CMKLR2: variants seen among roughly 807,000 people sequenced by gnomAD.
CMKLR2 encodes chemerin-like receptor 2.
Under a neutral mutation model 23.0 loss-of-function variants are expected in CMKLR2, and 18 were observed. The ratio of observed to expected loss-of-function variants is 0.78; its 90% CI spans 0.54 to 1.16. The LOEUF (loss-of-function observed/expected upper bound fraction) is 1.16, where lower values mean the gene tolerates loss of function less well. Among genes scored for constraint, CMKLR2 ranks in the 50% most tolerant of loss-of-function variants. The pLI is 0.00. For missense variants in CMKLR2, 401 were observed against 412.7 expected (o/e 0.97, Z 0.25); for synonymous variants, 158 against 158.9 (o/e 0.99, Z 0.05).
intron 1 of CMKLR2, among the ~76,000 whole-genome samples, chr2:206,182,006 A>G (rs1688431301): frequency 6.6e-6 from 1 of 151,636 alleles, no homozygotes; most frequent in Non-Finnish European, 1.5e-5. Flanking sequence ...TGTATTTACT[A>G]GCCATTAAGT....
rs779841717 is a variant in CMKLR2 at position 206,176,240 on chromosome 2, C to T, written c.1008G>A (p.Val336=). ...TLWEVSCSGT[V]SEQLRNSETK... ...TTTCTGAGTTCCTGAGCTGTTCACT[C>T]ACTGTGCCAGAACAGCTGACTTCCC... Residue 336 remains valine (V), a synonymous_variant, in exon 2 of 2, where the codon GTG becomes GTA. Coordinates refer to ENST00000621141, the MANE Select transcript of CMKLR2 (RefSeq NM_001389445.1). The T allele has an allele frequency of 8.7e-6, 14 of 1,614,072 alleles. No homozygotes were observed. Among genetic ancestry groups the T allele is most frequent in the African/African-American group, 2.7e-5 (2 of 74,928 alleles).
chr2:206,207,776 G>A (rs1402888692), intron 1 of CMKLR2, among the ~76,000 whole-genome samples: 6 of 101,192 alleles, frequency 5.9e-5, no homozygotes, highest in African/African-American at 8.5e-5. Flanking sequence ...GAGTTTTGCC[G>A]TTGTTGCCTG....
rs1688214754 is a variant in CMKLR2, at chr2:206,176,435, G to A, written c.813C>T (p.Thr271=). The A allele has an allele frequency of 1.2e-6, 2 of 1,614,140 alleles. No individual in the cohort carries two copies. The highest frequency in any genetic ancestry group is 1.7e-6 in the Non-Finnish European group (2 of 1,180,016). The stretch of plus-strand genomic sequence containing the variant: ...GGTGGGAATAGCTATTGTGGTGAAT[G>A]GTGAGCTCCCAAATGCTAAACAGGT... ...PYHLFSIWEL[T]IHHNSYSHHV... Residue 271 remains threonine (T), a synonymous_variant, in exon 2 of 2, where the codon ACC becomes ACT. Transcript: ENST00000621141.
intron 1 of CMKLR2, among the ~76,000 whole-genome samples, chr2:206,200,583 CAGTAATACA>C (rs1689062777): frequency 6.6e-6 from 1 of 152,176 alleles, no homozygotes; most frequent in Non-Finnish European, 1.5e-5. Context: ...ACACTTATAC[CAGTAATACA>C]ATATACCTTC....
chr2:206,189,504 G>A (rs1252004823), intron 1 of CMKLR2, among the ~76,000 whole-genome samples: 4 of 152,188 alleles, frequency 2.6e-5, no homozygotes, highest in African/African-American at 9.6e-5. Flanking sequence ...GTGTGGTTGT[G>A]CGTGCCTGTA....
chr2:206,205,134 G>A (rs1689264034), intron 1 of CMKLR2, among the ~76,000 whole-genome samples: 1 of 152,122 alleles, frequency 6.6e-6, no homozygotes, highest in African/African-American at 2.4e-5. Flanking sequence ...AAAAGAAGTG[G>A]TCATAATGTG....
chr2:206,190,968 T>C (rs1330009536), intron 1 of CMKLR2, among the ~76,000 whole-genome samples: 3 of 152,252 alleles, frequency 2.0e-5, no homozygotes, highest in African/African-American at 7.2e-5. Flanking sequence ...ATAATCTGTA[T>C]GGCTCTGTTG....
At chr2:206,177,398 CT>C (rs1002144950) in intron 1 of CMKLR2, 123 bp from the exon 2 acceptor site, 57 of 582,630 alleles carry the variant, frequency 9.8e-5, no homozygotes, top group East Asian at 2.1e-4. Flanking sequence ...ATTATTTTTT[CT>C]TTTTTTTGAG....
At chr2:206,189,491 T>G (rs1347109268) in intron 1 of CMKLR2, among the ~76,000 whole-genome samples, 1 of 151,308 alleles carries the variant, frequency 6.6e-6, no homozygotes, top group Non-Finnish European at 1.5e-5. Flanking sequence ...AAAAATTAGG[T>G]GGGTGTGGTT....
chr2:206,177,665 G>C (rs1352541662), intron 1 of CMKLR2, among the ~76,000 whole-genome samples: 1 of 152,152 alleles, frequency 6.6e-6, no homozygotes, highest in Non-Finnish European at 1.5e-5. Context: ...GGGATTATAG[G>C]CATGAGCAAC....
intron 1 of CMKLR2, among the ~76,000 whole-genome samples, chr2:206,208,327 G>A (rs577246030): frequency 6.6e-6 from 1 of 152,206 alleles, no homozygotes; most frequent in South Asian, 2.1e-4. Flanking sequence ...GATTGCTTGA[G>A]GCCAGGAGTT....
intron 1 of CMKLR2, among the ~76,000 whole-genome samples, chr2:206,200,974 T>C (rs905026415): frequency 1.3e-5 from 2 of 152,132 alleles, no homozygotes; most frequent in Non-Finnish European, 2.9e-5. Flanking sequence ...TTTTTAGCGG[T>C]AGGGTCTCAC....
At chr2:206,216,291 TA>T (rs1479647426), upstream of CMKLR2, among the ~76,000 whole-genome samples, 5 of 152,112 alleles carry the variant, frequency 3.3e-5, no homozygotes, top group African/African-American at 1.2e-4. Flanking sequence ...CTGTCTCTAC[TA>T]AAAATACAAA....
chr2:206,178,718 G>A (rs1373918412), intron 1 of CMKLR2, among the ~76,000 whole-genome samples: 1 of 151,834 alleles, frequency 6.6e-6, no homozygotes, highest in East Asian at 1.9e-4. Flanking sequence ...GCACGATCTC[G>A]GCTCACTGTA....
chr2:206,182,763 A>G (rs562644780), intron 1 of CMKLR2, among the ~76,000 whole-genome samples: 26 of 152,068 alleles, frequency 1.7e-4, no homozygotes, highest in Non-Finnish European at 2.9e-4. Flanking sequence ...TGGGATTACA[A>G]CTGCCACCAT....
At chr2:206,180,622 T>TG (rs1688378619) in intron 1 of CMKLR2, among the ~76,000 whole-genome samples, 1 of 151,814 alleles carries the variant, frequency 6.6e-6, no homozygotes, top group Non-Finnish European at 1.5e-5. Flanking sequence ...TTTGTAGAGA[T>TG]GGGGTCTTGT....
chr2:206,182,946 G>T (rs1434894470), intron 1 of CMKLR2, among the ~76,000 whole-genome samples: 1 of 152,038 alleles, frequency 6.6e-6, no homozygotes, highest in Non-Finnish European at 1.5e-5. Context: ...CAGGATCTTG[G>T]CTTATTCCTG....
chr2:206,182,906 C>A (rs752764366), intron 1 of CMKLR2, among the ~76,000 whole-genome samples: 1 of 152,126 alleles, frequency 6.6e-6, no homozygotes, highest in African/African-American at 2.4e-5. Flanking sequence ...GAGTGAGCCA[C>A]CGCACCTGGC....
chr2:206,212,012 T>A (rs1467343814), intron 1 of CMKLR2, among the ~76,000 whole-genome samples: 1 of 152,150 alleles, frequency 6.6e-6, no homozygotes, highest in Admixed American at 6.6e-5. Flanking sequence ...TTTCATTTGC[T>A]GGTGCCTGAT....
Sources: allele counts gnomAD v4.1 joint callset (sites outside exome capture counted in the v4.1 genomes callset), GRCh38; gene constraint gnomAD v4.1.1; transcripts MANE v1.5; gene names NCBI Gene and HGNC (gene_info 2026-07-23, HGNC 2026-07-21).